Variants in MMP26 observed in about 807,000 individuals in gnomAD.
The protein encoded by MMP26 is matrix metalloproteinase-26.
In MMP26, 33 loss-of-function variants were observed where a neutral mutation model predicts 31.0. The ratio of observed to expected loss-of-function variants is 1.06; its 90% CI spans 0.81 to 1.42. The LOEUF is 1.42. Among genes scored for constraint, MMP26 ranks in the 40% most tolerant of loss-of-function variants. The pLI, the probability that MMP26 is intolerant of heterozygous loss-of-function variation, is 0.00. For missense variants in MMP26, 347 were observed against 316.1 expected (o/e 1.10, Z -0.74); for synonymous variants, 122 against 114.9 (o/e 1.06, Z -0.40).
chr11:4,780,572 T>A (rs1031916750), intron 2 of MMP26, among the ~76,000 whole-genome samples: 1 of 152,160 alleles, frequency 6.6e-6, no homozygotes, highest in African/African-American at 2.4e-5. Flanking sequence ...TTATTGGTTA[T>A]ATGTAAAAAG....
chr11:4,946,587 T>G lies in MMP26; in HGVS notation c.-144-41481T>G, dbSNP rs533373608. The G allele has an allele frequency of 4.2e-5, 66 of 1,574,034 alleles. No homozygotes were observed. Among genetic ancestry groups the G allele is most frequent in the Admixed American group, 2.7e-4 (16 of 59,506 alleles). Reference sequence around the variant, plus strand: ...TAGGAATGGGATAATTGGTTTTTCTTGCAATATCTCAAGTTTCTTAAAGTG... The same window carrying G: ...TAGGAATGGGATAATTGGTTTTTCTGGCAATATCTCAAGTTTCTTAAAGTG... On this transcript the variant is annotated intron_variant, in intron 2 of 7. Coordinates refer to ENST00000380390, the MANE Select transcript of MMP26 (RefSeq NM_021801.5).
intron 1 of MMP26, chr11:4,710,208 G>A (rs904839255): frequency 2.4e-5 from 11 of 456,614 alleles, no homozygotes; most frequent in Admixed American, 4.7e-5. Context: ...CTTAGACTCT[G>A]TCTTGATCCT....
In MMP26 at chr11:4,723,882, G is replaced by A. The variant is rs972625806; in HGVS notation, c.-217+18837G>A. 8 of 1,181,786 alleles carry A rather than the reference G, an allele frequency of 6.8e-6. No homozygotes were observed. In the African/African-American group the frequency reaches 1.2e-4, roughly 18 times the overall value. 73.2% of individuals were successfully genotyped at this position (1,181,786 alleles called of 1,614,324 possible). ...TGAAGGAGGCAAACTAGCTGTTGAG[G>A]GTCTTGATCTGCTCCTTCTCCTGGG... is the stretch of plus-strand genomic sequence containing the variant. On this transcript the variant is annotated intron_variant, in intron 1 of 7. Coordinates refer to ENST00000380390, the MANE Select transcript of MMP26 (RefSeq NM_021801.5).
At chr11:4,894,739 T>C (rs1850676370) in intron 2 of MMP26, among the ~76,000 whole-genome samples, 1 of 152,168 alleles carries the variant, frequency 6.6e-6, no homozygotes, top group Non-Finnish European at 1.5e-5. Context: ...GCTGGAGCCT[T>C]ATAAAGCTGA....
At position 4,991,944 on chromosome 11, in the gene MMP26, T is replaced by A. The variant is rs1847010789; in HGVS notation, c.596-20T>A. On this transcript the variant is annotated intron_variant, in intron 6 of 7. Coordinates refer to ENST00000380390, the MANE Select transcript of MMP26 (RefSeq NM_021801.5). ...CTATGCATAGTTAATTTTATCTTTT[T>A]TTTTTCTATAATTTTTCAGGATATA... 6 of 1,563,038 alleles carry A rather than the reference T, an allele frequency of 3.8e-6. No individual in the cohort carries two copies. In the Admixed American group the frequency reaches 6.1e-5, roughly 16 times the overall value.
chr11:4,740,411 C>T (rs530635310), intron 1 of MMP26, among the ~76,000 whole-genome samples: 46 of 152,080 alleles, frequency 3.0e-4, no homozygotes, highest in African/African-American at 1.1e-3. Context: ...GGGCTGGGGG[C>T]GGTGGCTCAT....
At chr11:4,828,747 A>C (rs1440737699) in intron 2 of MMP26, among the ~76,000 whole-genome samples, 1 of 152,090 alleles carries the variant, frequency 6.6e-6, no homozygotes, top group Non-Finnish European at 1.5e-5. Flanking sequence ...CCTTAATTAT[A>C]TTTTCATGAC....
At chr11:4,958,309 A>G (rs1321811528) in intron 2 of MMP26, among the ~76,000 whole-genome samples, 1 of 152,218 alleles carries the variant, frequency 6.6e-6, no homozygotes, top group African/African-American at 2.4e-5. Flanking sequence ...AGCGCGAACA[A>G]TAAAGCTCAC....
rs532862912 is a variant in MMP26 at position 4,952,213 on chromosome 11, C to T, written c.-144-35855C>T. Among the ~76,000 whole-genome samples, 16 of 124,414 alleles carry T rather than the reference C, an allele frequency of 1.3e-4. 2 individuals are homozygous for T. Among genetic ancestry groups the T allele is most frequent in the African/African-American group, 3.8e-4 (14 of 36,712 alleles). 81.6% of individuals were successfully genotyped at this position (124,414 alleles called of 152,430 possible). A position where few individuals can be genotyped will look rare whatever the true frequency, so the allele number is the denominator to read the frequency against. On this transcript the variant is annotated intron_variant, in intron 2 of 7. Coordinates refer to ENST00000380390, the MANE Select transcript of MMP26 (RefSeq NM_021801.5). ...TTTTCATTTTATTTTATTAAGACTG[C>T]CCAAAACCCCAAAAATACAGATTAT...
Position 4,820,010 on chromosome 11 carries a change from C to A in MMP26, c.-145+52669C>A, listed in dbSNP as rs184441779. On this transcript the variant is annotated intron_variant, in intron 2 of 7. Coordinates refer to ENST00000380390, the MANE Select transcript of MMP26 (RefSeq NM_021801.5). ...CTACTTTCCAGAGAAGCCTAAAGAG[C>A]TTCATATCTCCACAGTTCACATGGA... Among the ~76,000 whole-genome samples the A allele has an allele frequency of 6.6e-5, 10 of 152,216 alleles. No homozygotes were observed. The East Asian group carries it at 1.7e-3, about 26-fold the overall frequency.
intron 2 of MMP26, among the ~76,000 whole-genome samples, chr11:4,936,810 A>G (rs1264633900): frequency 6.6e-6 from 1 of 152,160 alleles, no homozygotes; most frequent in African/African-American, 2.4e-5. Context: ...ACCCTTTGTA[A>G]TAATGTAATT....
chr11:4,930,157 T>G (rs964422073), intron 2 of MMP26, among the ~76,000 whole-genome samples: 1 of 152,094 alleles, frequency 6.6e-6, no homozygotes, highest in African/African-American at 2.4e-5. Flanking sequence ...ACTATTAAAG[T>G]ACAGTTTTTT....
intron 2 of MMP26, chr11:4,770,004 C>T: frequency 2.9e-6 from 2 of 691,828 alleles, no homozygotes; most frequent in South Asian, 1.9e-5. Flanking sequence ...TATTTAGATA[C>T]ATTTTCTTTT....
intron 2 of MMP26, chr11:4,914,735 T>C (rs1405740303): frequency 6.2e-7 from 1 of 1,611,566 alleles, no homozygotes; most frequent in East Asian, 2.2e-5. Context: ...ACAAAAGGCA[T>C]GCGTCACTCG....
At chr11:4,916,519 G>GTTT (rs1851095258) in intron 2 of MMP26, among the ~76,000 whole-genome samples, 1 of 151,400 alleles carries the variant, frequency 6.6e-6, no homozygotes, top group Non-Finnish European at 1.5e-5. Context: ...TATAGTTTTA[G>GTTT]TTTTTTTCTT....
chr11:4,947,262 AGATGGT>A (rs1846326657), intron 2 of MMP26: 1 of 424,396 alleles, frequency 2.4e-6, no homozygotes, highest in Admixed American at 6.2e-5. Context: ...TCATGAAGAG[AGATGGT>A]TGGTTGCTGC....
intron 6 of MMP26, 43 bp from the exon 7 acceptor site, chr11:4,991,921 A>G (rs761133277): frequency 8.1e-6 from 12 of 1,476,954 alleles, no homozygotes; most frequent in Admixed American, 7.0e-5. Flanking sequence ...AGCATTCCCT[A>G]TGCATAGTTA....
chr11:4,853,528 A>G (rs555354113), intron 2 of MMP26, among the ~76,000 whole-genome samples: 183 of 152,338 alleles, frequency 1.2e-3, no homozygotes, highest in African/African-American at 3.9e-3. Flanking sequence ...AATGTGGGAT[A>G]ACACTATTAG....
At chr11:4,882,859 G>T in intron 2 of MMP26, 1 of 1,612,882 alleles carries the variant, frequency 6.2e-7, no homozygotes, top group Admixed American at 1.7e-5. Context: ...TTAATGTGAG[G>T]GGTCTTAGGG....
Sources: allele counts gnomAD v4.1 joint callset (sites outside exome capture counted in the v4.1 genomes callset), GRCh38; gene constraint gnomAD v4.1.1; transcripts MANE v1.5; gene names NCBI Gene and HGNC (gene_info 2026-07-23, HGNC 2026-07-21).